CACNA1B: variants seen among roughly 807,000 people sequenced by gnomAD.
CACNA1B encodes calcium voltage-gated channel subunit alpha1 B, also known as voltage-dependent N-type calcium channel subunit alpha-1B.
A neutral mutation model predicts 247.2 loss-of-function variants in CACNA1B; 70 were observed. That is an observed-to-expected ratio of 0.28 (90% CI 0.23 to 0.35). The LOEUF is 0.35. Ranked by LOEUF, CACNA1B falls within the 10% of genes least tolerant of loss-of-function variation. The pLI, the probability that CACNA1B is intolerant of heterozygous loss-of-function variation, is 1.00. For synonymous variants in CACNA1B, 1,231 were observed against 1,294.4 expected (o/e 0.95, Z 1.05); for missense variants, 2,367 against 3,197.4 (o/e 0.74, Z 6.26).
Position 138,012,713 on chromosome 9 carries a change from C to T in CACNA1B, c.2161-416C>T, listed in dbSNP as rs532553329. Among the ~76,000 whole-genome samples the T allele has an allele frequency of 6.9e-6, 1 of 145,552 alleles. No homozygotes were observed. Among genetic ancestry groups the T allele is most frequent in the East Asian group, 2.0e-4 (1 of 4,980 alleles). ...TGGGTGACAGAGCGAGACCCTGTCTCTAAAAAAAAAAAAAACAAATAACAA... is the reference window on the plus strand; with the variant it reads ...TGGGTGACAGAGCGAGACCCTGTCTTTAAAAAAAAAAAAAACAAATAACAA... On this transcript the variant is annotated intron_variant, in intron 17 of 46. Transcript: ENST00000371372. The surrounding 1 kb of genome is among the most constrained non-coding windows in gnomAD (Gnocchi z 4.2).
chr9:138,023,923 G>C, intron 19 of CACNA1B, 112 bp downstream of exon 19: 1 of 625,080 alleles, frequency 1.6e-6, no homozygotes, highest in Non-Finnish European at 2.9e-6. Context: ...CCCCGGCCAC[G>C]CTGCCATGTC....
Position 138,057,906 on chromosome 9 carries a change from C to T in CACNA1B, c.4106+37C>T, listed in dbSNP as rs1488543163. ...TCCTGCTCTCCGTAGCTGGGGCAGGCAGCCCCTGAGCTCGGCCTCCCTTCC... is the reference window on the plus strand; with the variant it reads ...TCCTGCTCTCCGTAGCTGGGGCAGGTAGCCCCTGAGCTCGGCCTCCCTTCC... On this transcript the variant is annotated intron_variant, in intron 27 of 46. Transcript: ENST00000371372. The surrounding 1 kb of genome is among the most constrained non-coding windows in gnomAD (Gnocchi z 4.0). 3 of 1,592,160 alleles carry T rather than the reference C, an allele frequency of 1.9e-6. No homozygotes were observed. The highest frequency in any genetic ancestry group is 2.3e-5 in the East Asian group (1 of 44,314).
Position 137,899,847 on chromosome 9 carries a change from C to T in CACNA1B, c.531-13333C>T, listed in dbSNP as rs555948473. 2.6e-5 allele frequency among the ~76,000 whole-genome samples: 4 copies of T among 152,288 alleles called. No individual in the cohort carries two copies. The East Asian group carries it at 5.8e-4, about 22-fold the overall frequency. On this transcript the variant is annotated intron_variant, in intron 3 of 46. Coordinates refer to ENST00000371372, the MANE Select transcript of CACNA1B (RefSeq NM_000718.4). This position sits in a 1 kb window ranked among gnomAD's most constrained non-coding sequence, Gnocchi z 5.0. ...CTGCCCCGGCCCAGGGACCCCCGCA[C>T]CTGTGCAGGATTTGTGGTCTCCCCT... is the stretch of plus-strand genomic sequence containing the variant.
chr9:138,081,374 C>G (rs988091642), intron 36 of CACNA1B, among the ~76,000 whole-genome samples: 1 of 152,346 alleles, frequency 6.6e-6, no homozygotes, highest in Non-Finnish European at 1.5e-5. Context: ...TGTCTCCTTA[C>G]TGAAACTGTA....
rs1160981869 is a variant in CACNA1B at position 137,881,922 on chromosome 9, A to G, written c.391-822A>G. On this transcript the variant is annotated intron_variant, in intron 2 of 46. Transcript: ENST00000371372. The surrounding 1 kb of genome is among the most constrained non-coding windows in gnomAD (Gnocchi z 4.3). ...CCTCCACCTGGATCCCTTTCTCAAA[A>G]TCGAGCTGTGGAAGCCTTGCCTGCA... Among the ~76,000 whole-genome samples, 1 of 152,096 alleles carries G rather than the reference A, an allele frequency of 6.6e-6. No individual in the cohort carries two copies. The highest frequency in any genetic ancestry group is 1.5e-5 in the Non-Finnish European group (1 of 68,008).
intron 15 of CACNA1B, among the ~76,000 whole-genome samples, chr9:138,000,330 C>G (rs1035791653): frequency 2.6e-5 from 4 of 152,006 alleles, no homozygotes; most frequent in Non-Finnish European, 4.4e-5. Flanking sequence ...GATCTCCTGA[C>G]CTCGTGATCA....
chr9:137,903,444 G>A (rs894685015), intron 3 of CACNA1B, among the ~76,000 whole-genome samples: 10 of 152,112 alleles, frequency 6.6e-5, no homozygotes, highest in Admixed American at 1.3e-4. Context: ...CGACTCATAC[G>A]CATCAGTGGT....
intron 35 of CACNA1B, among the ~76,000 whole-genome samples, chr9:138,076,616 G>A (rs540572494): frequency 3.3e-5 from 5 of 152,320 alleles, no homozygotes; most frequent in African/African-American, 1.2e-4. Flanking sequence ...GTTCCTGGGC[G>A]CGGAACAGGA....
intron 18 of CACNA1B, among the ~76,000 whole-genome samples, chr9:138,016,421 A>G (rs2133428199): frequency 6.6e-6 from 1 of 152,316 alleles, no homozygotes; most frequent in African/African-American, 2.4e-5. Flanking sequence ...AAATGGCTGG[A>G]GCTGCATCCA....
chr9:138,078,313 C>A, intron 36 of CACNA1B, 55 bp downstream of exon 36: 2 of 1,556,530 alleles, frequency 1.3e-6, no homozygotes, highest in South Asian at 1.1e-5. Flanking sequence ...CGGTACAGCT[C>A]AGGCTTCTCC....
At chr9:137,994,465 C>CA (rs770810294) in intron 15 of CACNA1B, among the ~76,000 whole-genome samples, 3 of 152,126 alleles carry the variant, frequency 2.0e-5, no homozygotes, top group African/African-American at 4.8e-5. Context: ...AAGACTTTTC[C>CA]AAAAAGCTCC....
chr9:137,976,011 G>T lies in CACNA1B; in HGVS notation c.1648G>T (p.Asp550Tyr). ...CTTCCGGTCCTCCTTCAACTGCTTC[G>T]ACTTTGGGGTGAGTGAGAGGCCTGA... Reference protein sequence around the residue: ...SYFRSSFNCFDFGVIVGSVFE... With the variant: ...SYFRSSFNCFYFGVIVGSVFE... Residue 550 changes from aspartate (D) to tyrosine (Y), a missense_variant, in exon 12 of 47, where the codon GAC (aspartate) becomes TAC (tyrosine). Asp to Tyr is a radical substitution (Grantham distance 160). Coordinates refer to ENST00000371372, the MANE Select transcript of CACNA1B (RefSeq NM_000718.4). 1 of 1,602,534 alleles carries T rather than the reference G, an allele frequency of 6.2e-7. No homozygotes were observed. The highest frequency in any genetic ancestry group is 1.1e-5 in the South Asian group (1 of 90,714).
intron 20 of CACNA1B, 43 bp downstream of exon 20, chr9:138,025,215 C>A: frequency 7.3e-7 from 1 of 1,368,300 alleles, no homozygotes; most frequent in Non-Finnish European, 1.0e-6. Context: ...CCATCTTGTG[C>A]AGGTCCAGCA....
chr9:138,041,106 G>A (rs1959115185), intron 20 of CACNA1B, among the ~76,000 whole-genome samples: 1 of 152,174 alleles, frequency 6.6e-6, no homozygotes, highest in Non-Finnish European at 1.5e-5. Flanking sequence ...GGCCAACTGA[G>A]GAAGGTTTTT....
chr9:137,972,478 G>A lies in CACNA1B; in HGVS notation c.1543+886G>A, dbSNP rs1040260929. ...CGAGGCACCCAGGAAAGCCTTTTCC[G>A]ACTCCAGAGAAGAGCTATCCCAGCT... On this transcript the variant is annotated intron_variant, in intron 11 of 46. Transcript: ENST00000371372. Among the ~76,000 whole-genome samples the A allele has an allele frequency of 1.5e-4, 23 of 152,192 alleles. 2 individuals carry two copies. Among genetic ancestry groups the A allele is most frequent in the Admixed American group, 9.8e-4 (15 of 15,298 alleles).
In CACNA1B at chr9:137,971,151, A is replaced by C. The variant is rs1382139658; in HGVS notation, c.1334-232A>C. Among the ~76,000 whole-genome samples the C allele has an allele frequency of 2.0e-5, 3 of 152,248 alleles. No individual in the cohort carries two copies. Among genetic ancestry groups the C allele is most frequent in the East Asian group, 1.9e-4 (1 of 5,174 alleles). On this transcript the variant is annotated intron_variant, in intron 10 of 46. Coordinates refer to ENST00000371372, the MANE Select transcript of CACNA1B (RefSeq NM_000718.4). This position sits in a 1 kb window ranked among gnomAD's most constrained non-coding sequence, Gnocchi z 4.4. ...CTGGGGACCAGAGAAGTGAGTACAG[A>C]TCATCCACTTCAATCTGGCTCTCAC...
At chr9:137,884,716 G>T (rs1446457232) in intron 3 of CACNA1B, among the ~76,000 whole-genome samples, 2 of 152,034 alleles carry the variant, frequency 1.3e-5, no homozygotes, top group African/African-American at 4.8e-5. Context: ...GGGTAGAGGT[G>T]GCAGCACCCG....
At chr9:138,015,043 A>C (rs1958773316) in intron 18 of CACNA1B, among the ~76,000 whole-genome samples, 1 of 152,090 alleles carries the variant, frequency 6.6e-6, no homozygotes, top group Non-Finnish European at 1.5e-5. Flanking sequence ...TACGCGAGGA[A>C]AGAGCTTCTT....
chr9:137,950,157 A>C lies in CACNA1B; in HGVS notation c.967-2117A>C, dbSNP rs1220981267. 6.6e-6 allele frequency among the ~76,000 whole-genome samples: 1 copy of C among 152,168 alleles called. No homozygotes were observed. Among genetic ancestry groups the C allele is most frequent in the Non-Finnish European group, 1.5e-5 (1 of 68,036 alleles). ...TGACTTATGGTAGCGTGTTCTCCTT[A>C]CTGCTGGGCGGGGGTGGCCGGTCTG... On this transcript the variant is annotated intron_variant, in intron 6 of 46. Transcript: ENST00000371372. The surrounding 1 kb of genome is among the most constrained non-coding windows in gnomAD (Gnocchi z 4.8).
Sources: gnomAD v4.1 joint callset for allele counts (sites outside exome capture counted in the v4.1 genomes callset) on GRCh38, gnomAD v4.1.1 for gene constraint, Gnocchi (gnomAD v3.1) non-coding constraint, MANE v1.5 for transcripts, NCBI Gene and HGNC (gene_info 2026-07-23, HGNC 2026-07-21) for gene names.